SLAMF1: variants seen among roughly 807,000 people sequenced by gnomAD.
The protein encoded by SLAMF1 is signaling lymphocytic activation molecule.
Under a neutral mutation model 35.1 loss-of-function variants are expected in SLAMF1, and 18 were observed. The observed-to-expected ratio is 0.51, with a 90% CI of 0.35 to 0.76. SLAMF1 has a LOEUF of 0.76. SLAMF1 is among the 30% of genes least tolerant of loss of function. The pLI, the probability that SLAMF1 is intolerant of heterozygous loss-of-function variation, is 0.01. For missense variants in SLAMF1, 392 were observed against 413.0 expected, an observed-to-expected ratio of 0.95 and a Z score of 0.44; for synonymous variants, 168 against 157.2, an observed-to-expected ratio of 1.07 and a Z score of -0.51.
At chr1:160,631,924 G>A (rs1453427951) in intron 3 of SLAMF1, among the ~76,000 whole-genome samples, 1 of 152,068 alleles carries the variant, frequency 6.6e-6, no homozygotes, top group Non-Finnish European at 1.5e-5. Flanking sequence ...CAATATGACT[G>A]TTGTCCTTAT....
chr1:160,612,423 C>G (rs2025515), intron 6 of SLAMF1, 65 bp downstream of exon 6: 2 of 1,010,530 alleles, frequency 2.0e-6, no homozygotes, highest in Non-Finnish European at 2.9e-6. Flanking sequence ...AAAAAAAAAA[C>G]TTCCTCATTT....
chr1:160,618,326 ATGTGT>A (rs1659421745), intron 5 of SLAMF1, among the ~76,000 whole-genome samples: 2 of 152,244 alleles, frequency 1.3e-5, no homozygotes, highest in South Asian at 2.1e-4. Flanking sequence ...GCTGACATTA[ATGTGT>A]TGTGTATTTT....
Position 160,634,656 on chromosome 1 carries a change from G to T in SLAMF1, c.657C>A (p.Ser219=). The stretch of plus-strand genomic sequence containing the variant: ...ATCCGGGCCACGGGCTGAAGGTCTG[G>T]GAATTGTTGCTGATAGGGTTGCTCA... ...CTVSNPISNN[S]QTFSPWPGCR... is the part of the protein sequence containing the mutation. The change falls in exon 3 of 7, where the codon TCC becomes TCA. Residue 219 remains serine, a synonymous_variant. Transcript: ENST00000302035. 6.2e-7 allele frequency: 1 copy of T among 1,613,902 alleles called. No homozygotes were observed. The highest frequency in any genetic ancestry group is 1.6e-4 in the Middle Eastern group (1 of 6,062).
chr1:160,641,468 TAAAAA>T (rs1022900105), intron 1 of SLAMF1, among the ~76,000 whole-genome samples: 2 of 140,102 alleles, frequency 1.4e-5, no homozygotes, highest in African/African-American at 2.6e-5. Context: ...ACCAAAAAAA[TAAAAA>T]AATAAAAAAA....
chr1:160,643,590 C>T (rs946833684), intron 1 of SLAMF1, among the ~76,000 whole-genome samples: 6 of 152,282 alleles, frequency 3.9e-5, no homozygotes, highest in Middle Eastern at 3.4e-3. Flanking sequence ...TTTATTTCCC[C>T]ACCCTCTTTA....
intron 2 of SLAMF1, 30 bp from the exon 3 acceptor site, chr1:160,634,927 A>G: frequency 6.4e-7 from 1 of 1,573,114 alleles, no homozygotes; most frequent in Non-Finnish European, 8.7e-7. Context: ...GGGAGCCATC[A>G]CTGAAGTGAA....
intron 3 of SLAMF1, among the ~76,000 whole-genome samples, chr1:160,628,142 A>C (rs1411144223): frequency 6.6e-6 from 1 of 152,192 alleles, no homozygotes; most frequent in East Asian, 1.9e-4. Context: ...GTATGTCTTT[A>C]TTGGCAGGAT....
rs1570961614 is a variant in SLAMF1 at position 160,612,543 on chromosome 1, T to C, written c.902A>G (p.Asp301Gly). 1.2e-6 allele frequency: 2 copies of C among 1,612,954 alleles called. No individual in the cohort carries two copies. Among genetic ancestry groups the C allele is most frequent in the Admixed American group, 3.3e-5 (2 of 59,920 alleles). The change falls in exon 6 of 7, where the codon GAC becomes GGC. Residue 301 changes from aspartate to glycine, a missense_variant. Transcript: ENST00000302035. ...QKKLDSFPAQ[D>G]PCTTIYVAAT... ...AGCAACATATATGGTGGTGCAAGGG[T>C]CCTGAGCTGGGAAGGAGTCAAGTTT...
intron 1 of SLAMF1, among the ~76,000 whole-genome samples, chr1:160,638,444 C>T (rs1039373515): frequency 1.3e-5 from 2 of 152,206 alleles, no homozygotes; most frequent in Non-Finnish European, 2.9e-5. Flanking sequence ...TTTGTTTCGG[C>T]AATTGCCTCT....
intron 2 of SLAMF1, 95 bp downstream of exon 2, chr1:160,637,096 T>C: frequency 1.3e-6 from 1 of 776,356 alleles, no homozygotes; most frequent in South Asian, 1.6e-5. Flanking sequence ...TTACTTCCAA[T>C]TCTGAATACC....
intron 1 of SLAMF1, among the ~76,000 whole-genome samples, chr1:160,638,646 C>T (rs960986039): frequency 5.9e-5 from 9 of 152,180 alleles, no homozygotes; most frequent in Admixed American, 3.9e-4. Flanking sequence ...CATTTCCAGA[C>T]CCATTTTTCC....
intron 3 of SLAMF1, among the ~76,000 whole-genome samples, chr1:160,633,968 C>T (rs2102333984): frequency 6.6e-6 from 1 of 152,292 alleles, no homozygotes; most frequent in Non-Finnish European, 1.5e-5. Flanking sequence ...GTTGAGAGTG[C>T]TTTGCTAATG....
intron 3 of SLAMF1, among the ~76,000 whole-genome samples, chr1:160,628,428 C>A (rs1659993739): frequency 6.6e-6 from 1 of 152,178 alleles, no homozygotes; most frequent in Non-Finnish European, 1.5e-5. Flanking sequence ...TGCCTTCTAG[C>A]ATTTATTAAG....
intron 4 of SLAMF1, among the ~76,000 whole-genome samples, chr1:160,620,073 C>T (rs934615233): frequency 1.3e-5 from 2 of 152,188 alleles, no homozygotes; most frequent in African/African-American, 4.8e-5. Flanking sequence ...ACCTGCCTCA[C>T]GGGGCTGTTG....
chr1:160,637,027 C>T (rs1012945082), intron 2 of SLAMF1, 164 bp downstream of exon 2: 6 of 605,326 alleles, frequency 9.9e-6, no homozygotes, highest in Non-Finnish European at 1.8e-5. Flanking sequence ...AAATGTCAAC[C>T]TTTAAAACGT....
chr1:160,629,570 G>C (rs1660061799), intron 3 of SLAMF1, among the ~76,000 whole-genome samples: 1 of 152,122 alleles, frequency 6.6e-6, no homozygotes, highest in Non-Finnish European at 1.5e-5. Flanking sequence ...GGATCCTCAT[G>C]AACCATATAC....
intron 1 of SLAMF1, among the ~76,000 whole-genome samples, chr1:160,639,264 C>T (rs756644999): frequency 2.6e-5 from 4 of 151,994 alleles, no homozygotes; most frequent in Non-Finnish European, 4.4e-5. Context: ...CTTGTGCTGT[C>T]GCCCAGGCTG....
At chr1:160,625,996 G>A (rs1258507805) in intron 3 of SLAMF1, among the ~76,000 whole-genome samples, 1 of 152,116 alleles carries the variant, frequency 6.6e-6, no homozygotes, top group African/African-American at 2.4e-5. Context: ...TCAGCCTATG[G>A]AACTGATCCA....
intron 1 of SLAMF1, 125 bp from the exon 2 acceptor site, chr1:160,637,654 AGTCCTTCGTG>A (rs1660528217): frequency 1.5e-6 from 1 of 664,452 alleles, no homozygotes; most frequent in African/African-American, 1.8e-5. Context: ...GGGGTTGCCA[AGTCCTTCGTG>A]GTCTATAAGA....
Sources: allele counts gnomAD v4.1 joint callset (sites outside exome capture counted in the v4.1 genomes callset), GRCh38; gene constraint gnomAD v4.1.1; transcripts MANE v1.5; gene names NCBI Gene and HGNC (gene_info 2026-07-23, HGNC 2026-07-21).